Variants in ATP1B3 observed in about 807,000 individuals in gnomAD.
The protein encoded by ATP1B3 is sodium/potassium-transporting ATPase subunit beta-3.
ATP1B3 carries 10 observed loss-of-function variants against 30.2 expected under a neutral mutation model. The ratio of observed to expected loss-of-function variants is 0.33; its 90% confidence interval spans 0.20 to 0.56. ATP1B3 has a LOEUF of 0.56. ATP1B3 is among the 20% of genes least tolerant of loss of function. The probability of loss-of-function intolerance (pLI) is 0.90; values close to 1 mark genes in which losing one functional copy is unlikely to be tolerated. For synonymous variants in ATP1B3, 113 were observed against 117.0 expected, an observed-to-expected ratio of 0.97 and a Z score of 0.22; for missense variants, 238 against 336.7, an observed-to-expected ratio of 0.71 and a Z score of 2.29.
intron 3 of ATP1B3, among the ~76,000 whole-genome samples, chr3:141,911,492 C>CTTT (rs60462262): frequency 7.1e-6 from 1 of 140,764 alleles, no homozygotes; most frequent in Admixed American, 7.1e-5. Flanking sequence ...TTATCTTGGT[C>CTTT]TTTTTTTTTT....
chr3:141,887,644 C>G (rs191756903), intron 1 of ATP1B3, among the ~76,000 whole-genome samples: 186 of 152,240 alleles, frequency 1.2e-3, no homozygotes, highest in Non-Finnish European at 2.2e-3. Context: ...ATAATAGTTC[C>G]AAACTGGGAA....
intron 1 of ATP1B3, among the ~76,000 whole-genome samples, chr3:141,896,363 T>A (rs991861843): frequency 2.0e-5 from 3 of 152,020 alleles, no homozygotes; most frequent in Non-Finnish European, 4.4e-5. Flanking sequence ...CAAAAAAAAT[T>A]TTTTTTAATT....
chr3:141,884,421 C>G (rs1933792298), intron 1 of ATP1B3, among the ~76,000 whole-genome samples: 2 of 152,264 alleles, frequency 1.3e-5, no homozygotes, highest in Admixed American at 1.3e-4. Context: ...TTCCTAGTTC[C>G]TTCTTGTTTG....
At chr3:141,925,127 A>G (rs909108174) in intron 6 of ATP1B3, among the ~76,000 whole-genome samples, 1 of 152,184 alleles carries the variant, frequency 6.6e-6, no homozygotes, top group Non-Finnish European at 1.5e-5. Flanking sequence ...GCTCCAAAAA[A>G]TTAAAAAGAA....
chr3:141,895,919 G>A (rs965191971), intron 1 of ATP1B3, among the ~76,000 whole-genome samples: 7 of 152,150 alleles, frequency 4.6e-5, no homozygotes, highest in Admixed American at 4.6e-4. Flanking sequence ...GCATTCTGGT[G>A]GGTATGTAGT....
rs549951207 is a variant in ATP1B3 at position 141,876,739 on chromosome 3, T to C, written c.-63T>C. 1.5e-5 allele frequency: 20 copies of C among 1,348,254 alleles called. No individual in the cohort carries two copies. Among genetic ancestry groups the C allele is most frequent in the Non-Finnish European group, 1.9e-5 (18 of 968,402 alleles). The allele number at this position is 1,348,254 out of a possible 1,614,324, so 83.5% of individuals were successfully genotyped here. Reference sequence around the variant, plus strand: ...TGCGCCGCCGGAGCCGGGACGCGCCTCCGCAGCCCTCGCCGCCTCCATCCC... The same window carrying C: ...TGCGCCGCCGGAGCCGGGACGCGCCCCCGCAGCCCTCGCCGCCTCCATCCC... On this transcript the variant is annotated 5_prime_UTR_variant, in exon 1 of 7. Transcript: ENST00000286371.
At chr3:141,911,625 G>T (rs1446484995) in intron 3 of ATP1B3, among the ~76,000 whole-genome samples, 1 of 151,812 alleles carries the variant, frequency 6.6e-6, no homozygotes, top group Non-Finnish European at 1.5e-5. Flanking sequence ...CTTCCAAGCA[G>T]CTAGGATTAC....
chr3:141,892,310 A>C (rs186389199), intron 1 of ATP1B3, among the ~76,000 whole-genome samples: 1 of 152,298 alleles, frequency 6.6e-6, no homozygotes, highest in East Asian at 1.9e-4. Flanking sequence ...TAATAATGCC[A>C]TATCTACATT....
At chr3:141,889,482 C>T (rs1317563656) in intron 1 of ATP1B3, among the ~76,000 whole-genome samples, 2 of 151,850 alleles carry the variant, frequency 1.3e-5, no homozygotes, top group African/African-American at 4.8e-5. Flanking sequence ...GTGATCCCAG[C>T]ACTTTGGGAG....
intron 1 of ATP1B3, among the ~76,000 whole-genome samples, chr3:141,891,307 T>C (rs1168812097): frequency 6.6e-6 from 1 of 152,210 alleles, no homozygotes; most frequent in Non-Finnish European, 1.5e-5. Flanking sequence ...AGTATCCAAA[T>C]AGTGCAAGCC....
intron 1 of ATP1B3, among the ~76,000 whole-genome samples, chr3:141,885,918 CA>C (rs1559864956): frequency 1.9e-4 from 29 of 150,568 alleles, no homozygotes; most frequent in African/African-American, 6.4e-4. Flanking sequence ...CACACACACA[CA>C]CACACCCCTG....
chr3:141,891,842 A>G (rs889367877), intron 1 of ATP1B3, among the ~76,000 whole-genome samples: 2 of 144,392 alleles, frequency 1.4e-5, no homozygotes, highest in East Asian at 4.1e-4. Flanking sequence ...CTAAATTTGT[A>G]TTGTTAATTT....
At chr3:141,910,766 T>G (rs933784134) in intron 3 of ATP1B3, among the ~76,000 whole-genome samples, 38 of 130,106 alleles carry the variant, frequency 2.9e-4, no homozygotes, top group Middle Eastern at 3.7e-3. Context: ...GTTTCTTGGC[T>G]CTTGCCCTGC....
In ATP1B3 at chr3:141,925,769, T is replaced by C. The variant is rs1934648026; in HGVS notation, c.*68T>C. The stretch of plus-strand genomic sequence containing the variant: ...TCTTCATTTTGTAACAGCTGGACCT[T>C]CCATTCTAGAATTATGAGACCACCT... On this transcript the variant is annotated 3_prime_UTR_variant, in exon 7 of 7. Transcript: ENST00000286371. The C allele has an allele frequency of 6.5e-7, 1 of 1,541,162 alleles. No homozygotes were observed. The highest frequency in any genetic ancestry group is 1.4e-5 in the African/African-American group (1 of 73,066).
chr3:141,922,781 C>A lies in ATP1B3; in HGVS notation c.669+718C>A, dbSNP rs539168093. 2.1e-4 allele frequency among the ~76,000 whole-genome samples: 31 copies of A among 151,080 alleles called. No individual in the cohort carries two copies. The East Asian group carries it at 5.3e-3, about 26-fold the overall frequency. On this transcript the variant is annotated intron_variant, in intron 6 of 6. Coordinates refer to ENST00000286371, the MANE Select transcript of ATP1B3 (RefSeq NM_001679.4). ...GAGATCAAGACCATCCTGGCTAACA[C>A]GGTGAAACCCCGTCTCTACTAAAAA...
intron 1 of ATP1B3, among the ~76,000 whole-genome samples, chr3:141,897,129 A>G (rs1311159564): frequency 1.3e-5 from 2 of 152,104 alleles, no homozygotes; most frequent in African/African-American, 4.8e-5. Flanking sequence ...GCTCATGCAT[A>G]CTGAGAGAAG....
intron 1 of ATP1B3, chr3:141,902,291 C>T: frequency 8.6e-7 from 1 of 1,162,400 alleles, no homozygotes; most frequent in Non-Finnish European, 1.1e-6. Flanking sequence ...TTAACTATTT[C>T]CCCTTTACTT....
chr3:141,886,210 C>T (rs978842606), intron 1 of ATP1B3, among the ~76,000 whole-genome samples: 1 of 152,098 alleles, frequency 6.6e-6, no homozygotes, highest in African/African-American at 2.4e-5. Flanking sequence ...CCCATCGTTT[C>T]CCACCTTGCC....
At chr3:141,902,431 G>A (rs1053144519) in intron 1 of ATP1B3, among the ~76,000 whole-genome samples, 2 of 152,094 alleles carry the variant, frequency 1.3e-5, no homozygotes, top group Non-Finnish European at 2.9e-5. Context: ...CCACTCCCTG[G>A]GGGGAAAATA....
Sources: gnomAD v4.1 joint callset for allele counts (sites outside exome capture counted in the v4.1 genomes callset) on GRCh38, gnomAD v4.1.1 for gene constraint, MANE v1.5 for transcripts, NCBI Gene and HGNC (gene_info 2026-07-23, HGNC 2026-07-21) for gene names.